The following TFEB variants were observed in gnomAD, a reference collection of about 807,000 sequenced individuals.
TFEB encodes transcription factor EB, also known as T-cell transcription factor EB.
TFEB carries 12 observed loss-of-function variants against 48.0 expected under a neutral mutation model. That is an observed-to-expected ratio of 0.25 (90% CI 0.16 to 0.40). The LOEUF (loss-of-function observed/expected upper bound fraction) is 0.40, where lower values mean the gene tolerates loss of function less well. Among genes scored for constraint, TFEB ranks in the 10% least tolerant of loss-of-function variants. The pLI is 1.00. For missense variants in TFEB, 509 were observed against 640.3 expected, an observed-to-expected ratio of 0.79 and a Z score of 2.21; for synonymous variants, 244 against 261.4, an observed-to-expected ratio of 0.93 and a Z score of 0.64.
intron 1 of TFEB, among the ~76,000 whole-genome samples, chr6:41,706,213 A>G (rs1286785833): frequency 6.6e-6 from 1 of 152,200 alleles, no homozygotes; most frequent in East Asian, 1.9e-4. Context: ...TGTCCCCTTG[A>G]GGAAGCTGAA....
In TFEB at chr6:41,708,383, T is replaced by C. The variant is rs138375461; in HGVS notation, c.-22-17148A>G. The stretch of plus-strand genomic sequence containing the variant: ...AGCCACATGCTCTGGGCCCTCACGA[T>C]GTCAAAAGTGCCCACCTGAAGATTT... On this transcript the variant is annotated intron_variant, in intron 1 of 8. Transcript: ENST00000373033. Among the ~76,000 whole-genome samples the C allele has an allele frequency of 1.9e-4, 29 of 152,268 alleles. No homozygotes were observed. In the East Asian group the frequency reaches 4.6e-3, roughly 24 times the overall value.
At position 41,702,390 on chromosome 6, in the gene TFEB, G is replaced by C. The variant is rs369845294; in HGVS notation, c.-22-11155C>G. Among the ~76,000 whole-genome samples, 10 of 152,318 alleles carry C rather than the reference G, an allele frequency of 6.6e-5. 1 individual carries two copies. The highest frequency in any genetic ancestry group is 2.4e-4 in the African/African-American group (10 of 41,572). ...GGTCAGACAGAAATGTGATTCCAGG[G>C]ATCAGAGATCTGGCACCAGACCATA... On this transcript the variant is annotated intron_variant, in intron 1 of 8. Transcript: ENST00000373033.
Position 41,691,562 on chromosome 6 carries a change from T to C in TFEB, c.-22-327A>G. 1 of 531,416 alleles carries C rather than the reference T, an allele frequency of 1.9e-6. No individual in the cohort carries two copies. The highest frequency in any genetic ancestry group is 3.5e-6 in the Non-Finnish European group (1 of 286,256). The allele number at this position is 531,416 out of a possible 1,614,324, so 32.9% of individuals were successfully genotyped here. On this transcript the variant is annotated intron_variant, in intron 1 of 8. Transcript: ENST00000373033. The surrounding 1 kb of genome is among the most constrained non-coding windows in gnomAD (Gnocchi z 5.2). ...TGATCCTGTTAGATCCGACCTCATA[T>C]CCACCCTCCTTTGCTGCCACAAGGT...
intron 1 of TFEB, among the ~76,000 whole-genome samples, chr6:41,695,008 A>G (rs1042922835): frequency 2.6e-5 from 4 of 152,132 alleles, no homozygotes; most frequent in Non-Finnish European, 5.9e-5. Flanking sequence ...ACAGCCTCTC[A>G]GCTGACTCTG....
intron 1 of TFEB, among the ~76,000 whole-genome samples, chr6:41,721,393 AC>A (rs1770977142): frequency 6.6e-6 from 1 of 151,882 alleles, no homozygotes; most frequent in African/African-American, 2.4e-5. Context: ...ACACACACAC[AC>A]ACACACACAC....
chr6:41,731,269 T>C (rs1310830727), intron 1 of TFEB, among the ~76,000 whole-genome samples: 2 of 152,078 alleles, frequency 1.3e-5, no homozygotes, highest in African/African-American at 4.8e-5. Flanking sequence ...CAGTGTTAAG[T>C]GGCAGAGCTG....
At position 41,723,446 on chromosome 6, in the gene TFEB, C is replaced by T. The variant is rs1020626766; in HGVS notation, c.-23+11904G>A. On this transcript the variant is annotated intron_variant, in intron 1 of 8. Transcript: ENST00000373033. The surrounding 1 kb of genome is among the most constrained non-coding windows in gnomAD (Gnocchi z 6.0). ...ATGCACACACTCACACACATGCACGCGTGTGCTCTCATACCTTCGAGAGGG... is the reference window on the plus strand; with the variant it reads ...ATGCACACACTCACACACATGCACGTGTGTGCTCTCATACCTTCGAGAGGG... The T allele has an allele frequency of 6.9e-5, 85 of 1,237,740 alleles. No homozygotes were observed. The highest frequency in any genetic ancestry group is 2.3e-4 in the Middle Eastern group (1 of 4,308). The allele number at this position is 1,237,740 out of a possible 1,614,324, so 76.7% of individuals were successfully genotyped here. A position where few individuals can be genotyped will look rare whatever the true frequency, so the allele number is the denominator to read the frequency against.
chr6:41,735,884 A>G (rs1205659888), upstream of TFEB, among the ~76,000 whole-genome samples: 1 of 152,188 alleles, frequency 6.6e-6, no homozygotes, highest in Non-Finnish European at 1.5e-5. Context: ...CCGACCCCCT[A>G]AAAGGAACCT....
intron 1 of TFEB, among the ~76,000 whole-genome samples, chr6:41,725,098 A>C (rs981744566): frequency 3.3e-5 from 5 of 152,218 alleles, no homozygotes; most frequent in African/African-American, 1.2e-4. Context: ...AAGGAGGCTG[A>C]GGCTCAAATC....
rs1172861112 is a variant in TFEB at position 41,714,760 on chromosome 6, G to A, written c.-23+20590C>T. ...TTGAGTGGCGGCCCGGCCCCAGAGA[G>A]GCCCTGGAGGCAGCCTCCTCTGCCC... is the stretch of plus-strand genomic sequence containing the variant. On this transcript the variant is annotated intron_variant, in intron 1 of 8. Transcript: ENST00000373033. Among the ~76,000 whole-genome samples, 8 of 152,280 alleles carry A rather than the reference G, an allele frequency of 5.3e-5. No individual in the cohort carries two copies. The East Asian group carries it at 1.5e-3, about 29-fold the overall frequency.
In TFEB at chr6:41,720,420, A is replaced by G. The variant is rs1581926985; in HGVS notation, c.-23+14930T>C. On this transcript the variant is annotated intron_variant, in intron 1 of 8. Coordinates refer to ENST00000373033, the MANE Select transcript of TFEB (RefSeq NM_001271944.2). This position sits in a 1 kb window ranked among gnomAD's most constrained non-coding sequence, Gnocchi z 4.1. ...CAGACAGGCAGCTGATGTCCTCATG[A>G]CCTTCCCCAGTCCTCCCAGCCTTAA... The G allele has an allele frequency of 6.6e-6, 1 of 152,212 alleles. No homozygotes were observed. Among genetic ancestry groups the G allele is most frequent in the Non-Finnish European group, 1.5e-5 (1 of 68,148 alleles). 9.4% of individuals were successfully genotyped at this position (152,212 alleles called of 1,614,324 possible). A position where few individuals can be genotyped will look rare whatever the true frequency, so the allele number is the denominator to read the frequency against.
chr6:41,710,453 G>A (rs1184113671), intron 1 of TFEB, among the ~76,000 whole-genome samples: 1 of 152,356 alleles, frequency 6.6e-6, no homozygotes, highest in African/African-American at 2.4e-5. Context: ...AGAACAGAAT[G>A]CAGGGATTTG....
chr6:41,685,773 C>T (rs901608624), intron 8 of TFEB, among the ~76,000 whole-genome samples: 1 of 152,210 alleles, frequency 6.6e-6, no homozygotes, highest in Non-Finnish European at 1.5e-5. Context: ...GCCCATTGAA[C>T]AGAAGTGACA....
intron 1 of TFEB, among the ~76,000 whole-genome samples, chr6:41,696,706 T>C (rs1321815510): frequency 6.6e-6 from 1 of 151,596 alleles, no homozygotes; most frequent in Admixed American, 6.6e-5. Flanking sequence ...AAAAAATAAA[T>C]AAATAAAATA....
In TFEB at chr6:41,688,040, G is replaced by A. The variant is rs1176581465; in HGVS notation, c.550-12C>T. 6.9e-6 allele frequency: 11 copies of A among 1,603,676 alleles called. No individual in the cohort carries two copies. In the East Asian group the frequency reaches 2.5e-4, roughly 36 times the overall value. On this transcript the variant is annotated splice_polypyrimidine_tract_variant and intron_variant, in intron 4 of 8. Transcript: ENST00000373033. ...CTGGACAGGGGTAGCTGTGGGGTAG[G>A]GGGTGAGGGAGACCCATGAGTATCC...
At chr6:41,694,715 C>T (rs1352829109) in intron 1 of TFEB, among the ~76,000 whole-genome samples, 1 of 152,096 alleles carries the variant, frequency 6.6e-6, no homozygotes, top group Non-Finnish European at 1.5e-5. Context: ...CCAAAATGTC[C>T]CTGGCCCCTC....
intron 4 of TFEB, chr6:41,688,329 C>G (rs1769123925): frequency 9.9e-6 from 3 of 304,558 alleles, no homozygotes; most frequent in Non-Finnish European, 1.8e-5. Flanking sequence ...GTCATCTAAT[C>G]AATTCTAGAG....
intron 1 of TFEB, among the ~76,000 whole-genome samples, chr6:41,715,539 G>A (rs181593010): frequency 1.4e-3 from 207 of 152,184 alleles, no homozygotes; most frequent in African/African-American, 4.5e-3. Flanking sequence ...GTGTGGTGGC[G>A]GATGCCTGTA....
intron 1 of TFEB, among the ~76,000 whole-genome samples, chr6:41,717,899 T>C (rs1770805564): frequency 1.3e-5 from 2 of 152,156 alleles, no homozygotes; most frequent in African/African-American, 2.4e-5. Flanking sequence ...AGTTTCTCTA[T>C]CTGGAAAATG....
Sources: gnomAD v4.1 joint callset for allele counts (sites outside exome capture counted in the v4.1 genomes callset) on GRCh38, gnomAD v4.1.1 for gene constraint, Gnocchi (gnomAD v3.1) non-coding constraint, MANE v1.5 for transcripts, NCBI Gene and HGNC (gene_info 2026-07-23, HGNC 2026-07-21) for gene names.